LRRCC1: variants seen among roughly 807,000 people sequenced by gnomAD.
LRRCC1 encodes leucine-rich repeat and coiled-coil domain-containing protein 1.
LRRCC1 carries 115 observed loss-of-function variants against 126.0 expected under a neutral mutation model. The ratio of observed to expected loss-of-function variants is 0.91; its 90% CI spans 0.78 to 1.07. The LOEUF (loss-of-function observed/expected upper bound fraction) is 1.07, where lower values mean the gene tolerates loss of function less well. Ranked by LOEUF, LRRCC1 falls within the 50% of genes least tolerant of loss-of-function variation. LRRCC1 has a pLI of 0.00. For missense variants in LRRCC1, 1,172 were observed against 1,175.7 expected, an observed-to-expected ratio of 1.00 and a Z score of 0.05; for synonymous variants, 400 against 393.4, an observed-to-expected ratio of 1.02 and a Z score of -0.20.
chr8:85,132,374 T>A (rs1288929783), intron 12 of LRRCC1, among the ~76,000 whole-genome samples: 1 of 124,892 alleles, frequency 8.0e-6, no homozygotes, highest in African/African-American at 3.1e-5. Context: ...TTGAGTACTT[T>A]CTTTTTTTTT....
In LRRCC1 at chr8:85,129,174, G is replaced by A; in HGVS notation, c.1422-1G>A. ...AACACCACATATAACTTCTGCTTTAGGCTAAAGGAAATTATTTTTAGAGAG... is the reference window on the plus strand; with the variant it reads ...AACACCACATATAACTTCTGCTTTAAGCTAAAGGAAATTATTTTTAGAGAG... On this transcript the variant is annotated splice_acceptor_variant, in intron 9 of 18. Coordinates refer to ENST00000360375, the MANE Select transcript of LRRCC1 (RefSeq NM_033402.5). LOFTEE classifies it high-confidence loss of function. 6.2e-7 allele frequency: 1 copy of A among 1,600,820 alleles called. No homozygotes were observed. The highest frequency in any genetic ancestry group is 8.5e-7 in the Non-Finnish European group (1 of 1,172,576).
chr8:85,135,522 G>A (rs930349618), intron 13 of LRRCC1, among the ~76,000 whole-genome samples: 29 of 152,056 alleles, frequency 1.9e-4, no homozygotes, highest in Admixed American at 1.2e-3. Context: ...ATAAATGCTC[G>A]TGAAAAATTT....
intron 8 of LRRCC1, among the ~76,000 whole-genome samples, chr8:85,125,762 T>C (rs903517495): frequency 1.3e-5 from 2 of 151,386 alleles, no homozygotes; most frequent in Admixed American, 1.3e-4. Flanking sequence ...TCAGTACTTG[T>C]GGTTTCATTA....
chr8:85,136,420 A>G (rs1810874908), intron 14 of LRRCC1, among the ~76,000 whole-genome samples: 1 of 151,902 alleles, frequency 6.6e-6, no homozygotes, highest in African/African-American at 2.4e-5. Context: ...GATTACAGCC[A>G]TGTGCCGCCA....
intron 9 of LRRCC1, among the ~76,000 whole-genome samples, 171 bp downstream of exon 9, chr8:85,127,008 A>G (rs1033556346): frequency 9.2e-5 from 14 of 152,194 alleles, no homozygotes; most frequent in Non-Finnish European, 1.8e-4. Flanking sequence ...TTGTTATATC[A>G]ACAAGAAATT....
At chr8:85,121,973 G>C (rs1021728812) in intron 6 of LRRCC1, among the ~76,000 whole-genome samples, 3 of 152,120 alleles carry the variant, frequency 2.0e-5, no homozygotes, top group African/African-American at 7.2e-5. Context: ...ACTTCCTTTA[G>C]CAAATGTTGT....
chr8:85,131,209 G>A (rs892087720), intron 11 of LRRCC1, among the ~76,000 whole-genome samples: 2 of 152,076 alleles, frequency 1.3e-5, no homozygotes, highest in African/African-American at 4.8e-5. Context: ...CAGGAATTTT[G>A]TACTTAGTTT....
intron 8 of LRRCC1, 137 bp from the exon 9 acceptor site, chr8:85,126,551 CA>C (rs1810013190): frequency 1.2e-5 from 9 of 733,100 alleles, no homozygotes; most frequent in Admixed American, 3.0e-5. Flanking sequence ...GAGTGAGACT[CA>C]AAAAAATAAA....
At chr8:85,120,864 C>T (rs1182018695) in intron 6 of LRRCC1, among the ~76,000 whole-genome samples, 3 of 152,126 alleles carry the variant, frequency 2.0e-5, no homozygotes, top group Non-Finnish European at 4.4e-5. Context: ...AGTTGATAGA[C>T]ATCTGAGTAG....
chr8:85,138,977 C>T (rs1396171250), intron 17 of LRRCC1, among the ~76,000 whole-genome samples: 3 of 151,582 alleles, frequency 2.0e-5, no homozygotes, highest in South Asian at 4.2e-4. Context: ...AGCCAGGAGG[C>T]GGAGGTTGCA....
intron 6 of LRRCC1, among the ~76,000 whole-genome samples, chr8:85,121,410 TTTTTGTTTTGTTTTTTG>T (rs1322025018): frequency 6.6e-6 from 1 of 152,048 alleles, no homozygotes; most frequent in Non-Finnish European, 1.5e-5. Context: ...AATTCAGTTT[TTTTTGTTTTGTTTTTTG>T]TTTTGTTTTG....
rs953459786 is a variant in LRRCC1, at chr8:85,134,757, C to A, written c.1969-90C>A. 52 of 775,400 alleles carry A rather than the reference C, an allele frequency of 6.7e-5. 2 individuals carry two copies. The highest frequency in any genetic ancestry group is 3.8e-4 in the Middle Eastern group (1 of 2,620). The allele number at this position is 775,400 out of a possible 1,614,324, so 48.0% of individuals were successfully genotyped here. A position where few individuals can be genotyped will look rare whatever the true frequency, so the allele number is the denominator to read the frequency against. On this transcript the variant is annotated intron_variant, in intron 12 of 18. Transcript: ENST00000360375. ...AAACAGATTATCTTTAAATCTTATT[C>A]TTTTGCTAAAACTGTGATACTATTT...
At chr8:85,134,671 T>C (rs1003232435) in intron 12 of LRRCC1, among the ~76,000 whole-genome samples, 176 bp from the exon 13 acceptor site, 3 of 152,218 alleles carry the variant, frequency 2.0e-5, no homozygotes, top group African/African-American at 7.2e-5. Flanking sequence ...TGGGTCACTT[T>C]AGGCAAATAT....
intron 3 of LRRCC1, 132 bp from the exon 4 acceptor site, chr8:85,112,800 A>C: frequency 2.0e-6 from 1 of 506,870 alleles, no homozygotes; most frequent in African/African-American, 2.0e-5. Context: ...TATTCATTAG[A>C]TATAGCTGTT....
intron 6 of LRRCC1, among the ~76,000 whole-genome samples, chr8:85,122,972 C>G (rs1470610493): frequency 6.6e-6 from 1 of 152,180 alleles, no homozygotes; most frequent in Non-Finnish European, 1.5e-5. Flanking sequence ...CAGTCCACTT[C>G]ATACTGCCCT....
chr8:85,120,000 A>C (rs1809415793), intron 6 of LRRCC1, among the ~76,000 whole-genome samples: 1 of 152,162 alleles, frequency 6.6e-6, no homozygotes, highest in Non-Finnish European at 1.5e-5. Flanking sequence ...AATATTTAGA[A>C]ATGTCTTTTA....
chr8:85,109,382 C>T (rs2135909332), intron 1 of LRRCC1: 1 of 529,054 alleles, frequency 1.9e-6, no homozygotes, highest in Non-Finnish European at 3.3e-6. Flanking sequence ...CTGCCTTGAG[C>T]GGTTTCTTGT....
At chr8:85,134,449 C>G (rs911894833) in intron 12 of LRRCC1, among the ~76,000 whole-genome samples, 1 of 152,112 alleles carries the variant, frequency 6.6e-6, no homozygotes, top group Admixed American at 6.6e-5. Flanking sequence ...TCCCAAGTAG[C>G]TGGGATTTTA....
intron 18 of LRRCC1, among the ~76,000 whole-genome samples, chr8:85,142,365 A>AT (rs1179713071): frequency 6.6e-6 from 1 of 152,100 alleles, no homozygotes; most frequent in Admixed American, 6.6e-5. Context: ...AGACTCAGGT[A>AT]TTTTTTTAAT....
Sources: allele counts gnomAD v4.1 joint callset (sites outside exome capture counted in the v4.1 genomes callset), GRCh38; gene constraint gnomAD v4.1.1; transcripts MANE v1.5; gene names NCBI Gene and HGNC (gene_info 2026-07-23, HGNC 2026-07-21).